Variants in API5 observed in about 807,000 individuals in gnomAD.
The protein encoded by API5 is FIF.
API5 carries 6 observed loss-of-function variants against 71.9 expected under a neutral mutation model. The ratio of observed to expected loss-of-function variants is 0.08; its 90% CI spans 0.05 to 0.16. The LOEUF is 0.16. Among genes scored for constraint, API5 ranks in the 10% least tolerant of loss-of-function variants. The probability of loss-of-function intolerance (pLI) is 1.00; values close to 1 mark genes in which losing one functional copy is unlikely to be tolerated. For missense variants in API5, 332 were observed against 612.8 expected (o/e 0.54, Z 4.84); for synonymous variants, 189 against 221.3 (o/e 0.85, Z 1.30).
Position 43,342,851 on chromosome 11 carries a change from A to G in API5, c.*341A>G. The G allele has an allele frequency of 1.8e-6, 1 of 552,146 alleles. No individual in the cohort carries two copies. Among genetic ancestry groups the G allele is most frequent in the East Asian group, 3.0e-5 (1 of 33,448 alleles). The allele number at this position is 552,146 out of a possible 1,614,324, so 34.2% of individuals were successfully genotyped here. ...AATGAAATTCAGTCTAGTTCTGCTGATAAAGATCATCAGTTTTGAAAGGTT... is the reference window on the plus strand; with the variant it reads ...AATGAAATTCAGTCTAGTTCTGCTGGTAAAGATCATCAGTTTTGAAAGGTT... On this transcript the variant is annotated 3_prime_UTR_variant, in exon 14 of 14. Transcript: ENST00000531273.
At chr11:43,341,819 G>A (rs1025305930) in intron 13 of API5, among the ~76,000 whole-genome samples, 6 of 152,076 alleles carry the variant, frequency 3.9e-5, no homozygotes, top group Admixed American at 1.3e-4. Context: ...TCTACCCCAC[G>A]AATATGTAGA....
intron 1 of API5, among the ~76,000 whole-genome samples, chr11:43,313,829 C>G (rs1854577011): frequency 6.6e-6 from 1 of 152,096 alleles, no homozygotes; most frequent in African/African-American, 2.4e-5. Context: ...TGGCTCACGC[C>G]TGTAATCCCA....
intron 1 of API5, among the ~76,000 whole-genome samples, chr11:43,312,473 G>T (rs1854510900): frequency 2.8e-5 from 1 of 35,636 alleles, no homozygotes; most frequent in Admixed American, 3.6e-4. Flanking sequence ...TCAGGCTCAC[G>T]TTAATTCTTC....
chr11:43,317,282 G>T (rs936546895), intron 1 of API5, among the ~76,000 whole-genome samples: 7 of 152,036 alleles, frequency 4.6e-5, no homozygotes, highest in African/African-American at 1.7e-4. Context: ...CTTTATCAGT[G>T]TCATTTCATA....
chr11:43,334,631 A>T (rs1039777757), intron 11 of API5, among the ~76,000 whole-genome samples: 1 of 152,186 alleles, frequency 6.6e-6, no homozygotes, highest in Admixed American at 6.5e-5. Context: ...AGTTGTGAGG[A>T]TATTATCAGG....
Position 43,342,484 on chromosome 11 carries a change from A to C in API5, c.1549A>C (p.Asn517His), listed in dbSNP as rs1437894422. ...RGGRGWGTRG[N>H]RSRGRLY ...TGGCCGAGGTTGGGGCACACGAGGA[A>C]ATCGTAGTCGGGGAAGACTCTACTG... The change falls in exon 14 of 14, where the codon AAT becomes CAT. Residue 517 changes from asparagine (N) to histidine (H), a missense_variant. Transcript: ENST00000531273. 1.2e-6 allele frequency: 2 copies of C among 1,612,972 alleles called. No homozygotes were observed. Among genetic ancestry groups the C allele is most frequent in the Non-Finnish European group, 8.5e-7 (1 of 1,179,344 alleles).
chr11:43,333,163 G>A (rs1488662842), intron 11 of API5, among the ~76,000 whole-genome samples: 3 of 152,088 alleles, frequency 2.0e-5, no homozygotes, highest in Non-Finnish European at 2.9e-5. Context: ...TATCCAAAGT[G>A]GATTGGTTGA....
At chr11:43,317,089 A>G (rs1271340834) in intron 1 of API5, among the ~76,000 whole-genome samples, 6 of 152,212 alleles carry the variant, frequency 3.9e-5, no homozygotes, top group African/African-American at 1.2e-4. Flanking sequence ...GCTTGATGGC[A>G]TGAAGTAAGC....
rs1454678622 is a variant in API5 at position 43,315,613 on chromosome 11, A to G, written c.70-3027A>G. Among the ~76,000 whole-genome samples, 3 of 152,316 alleles carry G rather than the reference A, an allele frequency of 2.0e-5. No homozygotes were observed. The South Asian group carries it at 6.2e-4, about 32-fold the overall frequency. On this transcript the variant is annotated intron_variant, in intron 1 of 13. Coordinates refer to ENST00000531273, the MANE Select transcript of API5 (RefSeq NM_001142930.2). ...TATGAGCATGTATATTCTAATAAGCAAACTGCAGATGACAAATTCTAAGTG... is the reference window on the plus strand; with the variant it reads ...TATGAGCATGTATATTCTAATAAGCGAACTGCAGATGACAAATTCTAAGTG...
Position 43,340,735 on chromosome 11 carries a change from C to T in API5, c.1493-1693C>T, listed in dbSNP as rs536420101. Among the ~76,000 whole-genome samples the T allele has an allele frequency of 1.7e-4, 26 of 151,492 alleles. No homozygotes were observed. In the South Asian group the frequency reaches 5.4e-3, roughly 32 times the overall value. On this transcript the variant is annotated intron_variant, in intron 13 of 13. Coordinates refer to ENST00000531273, the MANE Select transcript of API5 (RefSeq NM_001142930.2). ...AAATGGTGCTGAGAAAACTGGGTAT[C>T]CATATGCAGAAGAATGAAACTAGAT...
intron 11 of API5, among the ~76,000 whole-genome samples, chr11:43,333,228 A>G (rs898594999): frequency 1.3e-5 from 2 of 152,160 alleles, no homozygotes; most frequent in African/African-American, 4.8e-5. Context: ...ATGGCATAGT[A>G]TTTGCGTATA....
intron 13 of API5, among the ~76,000 whole-genome samples, chr11:43,339,696 CT>C (rs1322057997): frequency 3.9e-5 from 6 of 152,224 alleles, no homozygotes; most frequent in African/African-American, 1.4e-4. Flanking sequence ...GCTTATGTAG[CT>C]GATAAAGCAG....
chr11:43,339,376 C>G (rs770997116), intron 13 of API5: 1 of 152,196 alleles, frequency 6.6e-6, no homozygotes, highest in Non-Finnish European at 1.5e-5. Context: ...ACCAAGCTCT[C>G]TCTATTGTTG....
chr11:43,340,573 A>G (rs1292921858), intron 13 of API5, among the ~76,000 whole-genome samples: 2 of 152,230 alleles, frequency 1.3e-5, no homozygotes, highest in African/African-American at 2.4e-5. Context: ...TGATACTGGC[A>G]TAAAAATAGA....
rs374650735 is a variant in API5, at chr11:43,343,210, GTA to G, written c.*714_*715del. ...TAAGCATATATGTGTGTGTGTGTGTGTATATATATATATATGCATGCTGTGAA... is the reference window on the plus strand; with the variant it reads ...TAAGCATATATGTGTGTGTGTGTGTGTATATATATATATGCATGCTGTGAA... On this transcript the variant is annotated 3_prime_UTR_variant, in exon 14 of 14. Transcript: ENST00000531273. 91 of 149,226 alleles carry G rather than the reference GTA, an allele frequency of 6.1e-4. No individual in the cohort carries two copies. Among genetic ancestry groups the G allele is most frequent in the African/African-American group, 1.1e-3 (43 of 40,804 alleles). 9.2% of individuals were successfully genotyped at this position (149,226 alleles called of 1,614,324 possible).
At chr11:43,326,769 T>G (rs1005110380) in intron 7 of API5, among the ~76,000 whole-genome samples, 158 bp downstream of exon 7, 3 of 152,242 alleles carry the variant, frequency 2.0e-5, no homozygotes, top group Non-Finnish European at 4.4e-5. Context: ...GCATTAGGAC[T>G]GCTTCATGGA....
chr11:43,327,552 G>T (rs1035987271), intron 7 of API5, among the ~76,000 whole-genome samples: 1 of 152,164 alleles, frequency 6.6e-6, no homozygotes, highest in Non-Finnish European at 1.5e-5. Flanking sequence ...GGGTTTTAGG[G>T]TCTGCCCTGC....
Position 43,335,426 on chromosome 11 carries a change from G to T in API5, c.1355+72G>T, listed in dbSNP as rs987695946. ...ACGAGTTACATTTACTGTTCAAAAG[G>T]GTGCAATGTTAAATGATTCATAATA... On this transcript the variant is annotated intron_variant, in intron 12 of 13. Coordinates refer to ENST00000531273, the MANE Select transcript of API5 (RefSeq NM_001142930.2). The T allele has an allele frequency of 3.2e-6, 3 of 932,032 alleles. 1 individual carries two copies. Among genetic ancestry groups the T allele is most frequent in the South Asian group, 1.4e-5 (1 of 71,334 alleles). 57.7% of individuals were successfully genotyped at this position (932,032 alleles called of 1,614,324 possible).
intron 1 of API5, among the ~76,000 whole-genome samples, chr11:43,318,001 G>GTTTGTTTGT (rs1554974189): frequency 3.3e-4 from 50 of 150,790 alleles, no homozygotes; most frequent in Non-Finnish European, 4.6e-4. Flanking sequence ...TTGTTTGTTT[G>GTTTGTTTGT]TTTGTTTTGT....
Sources: allele counts gnomAD v4.1 joint callset (sites outside exome capture counted in the v4.1 genomes callset), GRCh38; gene constraint gnomAD v4.1.1; transcripts MANE v1.5; gene names NCBI Gene and HGNC (gene_info 2026-07-23, HGNC 2026-07-21).